The following RBM17 variants were observed in gnomAD, a reference collection of about 807,000 sequenced individuals.
The protein encoded by RBM17 is RNA binding motif protein 17.
Under a neutral mutation model 53.2 loss-of-function variants are expected in RBM17, and 7 were observed. The observed-to-expected ratio is 0.13, with a 90% CI of 0.07 to 0.25. The LOEUF (loss-of-function observed/expected upper bound fraction) is 0.25. RBM17 is among the 10% of genes least tolerant of loss of function. The probability of loss-of-function intolerance (pLI) is 1.00; values close to 1 mark genes in which losing one functional copy is unlikely to be tolerated. For missense variants in RBM17, 257 were observed against 496.7 expected, an observed-to-expected ratio of 0.52 and a Z score of 4.59; for synonymous variants, 167 against 178.1, an observed-to-expected ratio of 0.94 and a Z score of 0.50.
chr10:6,108,192 A>G (rs1840783421), intron 5 of RBM17, among the ~76,000 whole-genome samples: 1 of 152,186 alleles, frequency 6.6e-6, no homozygotes, highest in African/African-American at 2.4e-5. Context: ...TGGGGGAGAT[A>G]TGGCAACGCA....
At chr10:6,095,589 C>G (rs1265527780) in intron 1 of RBM17, among the ~76,000 whole-genome samples, 1 of 152,204 alleles carries the variant, frequency 6.6e-6, no homozygotes, top group Non-Finnish European at 1.5e-5. Context: ...CCCTGCTTCT[C>G]TACGGCCTTG....
intron 4 of RBM17, 77 bp downstream of exon 4, chr10:6,105,174 T>G: frequency 7.4e-7 from 1 of 1,360,032 alleles, no homozygotes; most frequent in Non-Finnish European, 1.0e-6. Context: ...GCGTCGCTGC[T>G]GTCTGTAAGG....
Position 6,108,685 on chromosome 10 carries a change from G to A in RBM17, c.506-1G>A. The stretch of plus-strand genomic sequence containing the variant: ...TAATGCTTGGATTTGTGGTTTTGCA[G>A]GTATGGGCGGAGCTGCCATTGCCCC... On this transcript the variant is annotated splice_acceptor_variant, in intron 5 of 11. Transcript: ENST00000379888. LOFTEE classifies it high-confidence loss of function. The A allele has an allele frequency of 6.2e-7, 1 of 1,611,146 alleles. No individual in the cohort carries two copies. Among genetic ancestry groups the A allele is most frequent in the Non-Finnish European group, 8.5e-7 (1 of 1,178,808 alleles).
At chr10:6,090,798 A>G (rs1840470041) in intron 1 of RBM17, among the ~76,000 whole-genome samples, 1 of 151,970 alleles carries the variant, frequency 6.6e-6, no homozygotes, top group Non-Finnish European at 1.5e-5. Context: ...GGTAACAGCC[A>G]GAGGGTGGGA....
rs189482170 is a variant in RBM17 at position 6,096,395 on chromosome 10, G to C, written c.-18-653G>C. 6.0e-3 allele frequency among the ~76,000 whole-genome samples: 906 copies of C among 152,230 alleles called. 7 individuals are homozygous for C. Among genetic ancestry groups the C allele is most frequent in the African/African-American group, 0.02 (838 of 41,520 alleles). The stretch of plus-strand genomic sequence containing the variant: ...CTGCTGACTCGGTTTTTGTTTCCAC[G>C]TGTTCCTCTGTTCTGCACGGAAGCT... On this transcript the variant is annotated intron_variant, in intron 1 of 11. Coordinates refer to ENST00000379888, the MANE Select transcript of RBM17 (RefSeq NM_032905.5).
chr10:6,111,621 T>G (rs999799144), intron 7 of RBM17, among the ~76,000 whole-genome samples: 1 of 152,236 alleles, frequency 6.6e-6, no homozygotes, highest in African/African-American at 2.4e-5. Flanking sequence ...ATTATAAGTG[T>G]GATCAACTGC....
intron 5 of RBM17, among the ~76,000 whole-genome samples, chr10:6,107,349 T>C (rs536512276): frequency 6.6e-6 from 1 of 152,126 alleles, no homozygotes; most frequent in Non-Finnish European, 1.5e-5. Context: ...ATCTAATTTT[T>C]ACATTTTTAG....
In RBM17 at chr10:6,117,193, AC is replaced by A. The variant is rs1481932513; in HGVS notation, c.*1639del. 1 of 152,370 alleles carries A rather than the reference AC, an allele frequency of 6.6e-6. No individual in the cohort carries two copies. The highest frequency in any genetic ancestry group is 1.5e-5 in the Non-Finnish European group (1 of 68,046). The allele number at this position is 152,370 out of a possible 1,614,324, so 9.4% of individuals were successfully genotyped here. On this transcript the variant is annotated 3_prime_UTR_variant, in exon 12 of 12. Transcript: ENST00000379888. ...CATGGTCAGCAACCAGAGAGTTGCA[AC>A]CAACTCATACTACTTGATTTCCGTT...
intron 6 of RBM17, 98 bp downstream of exon 6, chr10:6,108,840 G>C (rs1840794313): frequency 1.1e-6 from 1 of 895,822 alleles, no homozygotes; most frequent in Non-Finnish European, 1.8e-6. Context: ...TGAGCGTAGA[G>C]GGAAACGGCC....
At chr10:6,111,984 A>T (rs1213523122) in intron 7 of RBM17, among the ~76,000 whole-genome samples, 2 of 152,140 alleles carry the variant, frequency 1.3e-5, no homozygotes, top group African/African-American at 4.8e-5. Flanking sequence ...CCCCTCCAAG[A>T]CAACAGGATG....
chr10:6,096,840 A>C, intron 1 of RBM17: 1 of 326,904 alleles, frequency 3.1e-6, no homozygotes, highest in Non-Finnish European at 5.6e-6. Flanking sequence ...AGATGGAAAA[A>C]TGAATTTTAG....
chr10:6,109,709 G>T (rs1477286415), intron 6 of RBM17, among the ~76,000 whole-genome samples: 1 of 152,166 alleles, frequency 6.6e-6, no homozygotes, highest in African/African-American at 2.4e-5. Flanking sequence ...CATTCAAGAA[G>T]ATTTTAAAGG....
At position 6,117,401 on chromosome 10, in the gene RBM17, T is replaced by C. The variant is rs1172023382; in HGVS notation, c.*1845T>C. The stretch of plus-strand genomic sequence containing the variant: ...TTCAATATTAACATTTAAGCTAATA[T>C]AAAAATTTTAAATTTCAATAAAAAT... On this transcript the variant is annotated 3_prime_UTR_variant, in exon 12 of 12. Coordinates refer to ENST00000379888, the MANE Select transcript of RBM17 (RefSeq NM_032905.5). 1 of 152,084 alleles carries C rather than the reference T, an allele frequency of 6.6e-6. No individual in the cohort carries two copies. Among genetic ancestry groups the C allele is most frequent in the Non-Finnish European group, 1.5e-5 (1 of 68,038 alleles). The allele number at this position is 152,084 out of a possible 1,614,324, so 9.4% of individuals were successfully genotyped here.
At chr10:6,093,062 T>G (rs1571026) in intron 1 of RBM17, among the ~76,000 whole-genome samples, 29,938 of 152,160 alleles carry the variant, frequency 0.2, 3,999 homozygotes, top group African/African-American at 0.38. Context: ...TGTTGGCAGC[T>G]GAGATCTAGT....
At chr10:6,111,254 A>G (rs1840832590) in intron 7 of RBM17, among the ~76,000 whole-genome samples, 1 of 152,254 alleles carries the variant, frequency 6.6e-6, no homozygotes, top group Admixed American at 6.5e-5. Context: ...CTCAGAGCGC[A>G]GTGTGAGAGC....
intron 1 of RBM17, among the ~76,000 whole-genome samples, chr10:6,090,781 G>A (rs1335499079): frequency 6.6e-6 from 1 of 151,962 alleles, no homozygotes; most frequent in Admixed American, 6.6e-5. Flanking sequence ...CTAGCCTATG[G>A]CATTTTGGTA....
intron 2 of RBM17, among the ~76,000 whole-genome samples, chr10:6,098,582 T>G (rs908654699): frequency 2.6e-5 from 3 of 117,370 alleles, no homozygotes; most frequent in Non-Finnish European, 3.5e-5. Flanking sequence ...TTTTTTTTTT[T>G]TTTTTTTTTT....
Position 6,105,080 on chromosome 10 carries a change from A to G in RBM17, c.390A>G (p.Glu130=), listed in dbSNP as rs761703891. ...QRQRELERQK[E]IEEREKRRKD... ...AGCGGGAGCTGGAAAGACAAAAGGA[A>G]ATAGAAGAAAGGGAAAAGTAAGGCT... is the stretch of plus-strand genomic sequence containing the variant. The change falls in exon 4 of 12, where the codon GAA becomes GAG. Residue 130 remains glutamate (E), a synonymous_variant. Transcript: ENST00000379888. The G allele has an allele frequency of 1.2e-6, 2 of 1,613,310 alleles. No individual in the cohort carries two copies. The highest frequency in any genetic ancestry group is 4.5e-5 in the East Asian group (2 of 44,894).
rs768947824 is a variant in RBM17, at chr10:6,112,455, G to A, written c.856+94G>A. On this transcript the variant is annotated intron_variant, in intron 8 of 11. Transcript: ENST00000379888. This position sits in a 1 kb window ranked among gnomAD's most constrained non-coding sequence, Gnocchi z 4.4. ...CTTGATCCTCATGTGTCAGCAGGGG[G>A]ACAATGAGGCGTGTGGCCAGAGGGA... 3 of 1,464,846 alleles carry A rather than the reference G, an allele frequency of 2.0e-6. No homozygotes were observed. The African/African-American group carries it at 4.2e-5, about 20-fold the overall frequency. The allele number at this position is 1,464,846 out of a possible 1,614,324, so 90.7% of individuals were successfully genotyped here.
Sources: gnomAD v4.1 joint callset for allele counts (sites outside exome capture counted in the v4.1 genomes callset) on GRCh38, gnomAD v4.1.1 for gene constraint, Gnocchi (gnomAD v3.1) non-coding constraint, MANE v1.5 for transcripts, NCBI Gene and HGNC (gene_info 2026-07-23, HGNC 2026-07-21) for gene names.